PAG1: variants seen among roughly 807,000 people sequenced by gnomAD.
The protein encoded by PAG1 is phosphoprotein membrane anchor with glycosphingolipid microdomains 1, also known as phosphoprotein associated with glycosphingolipid-enriched microdomains 1.
PAG1 carries 23 observed loss-of-function variants against 31.7 expected under a neutral mutation model. The observed-to-expected ratio is 0.73, with a 90% CI of 0.52 to 1.03. PAG1 has a LOEUF of 1.03. Ranked by LOEUF, PAG1 falls within the 50% of genes least tolerant of loss-of-function variation. The pLI is 0.00. For synonymous variants in PAG1, 214 were observed against 210.3 expected (o/e 1.02, Z -0.15); for missense variants, 473 against 540.7 (o/e 0.87, Z 1.24).
intron 2 of PAG1, among the ~76,000 whole-genome samples, chr8:81,056,805 T>A (rs1359996483): frequency 6.6e-6 from 1 of 151,804 alleles, no homozygotes; most frequent in Admixed American, 6.6e-5. Flanking sequence ...GGGAAAAAAA[T>A]TTGCAACCTA....
At chr8:81,035,521 G>C (rs891793386) in intron 2 of PAG1, among the ~76,000 whole-genome samples, 1 of 152,188 alleles carries the variant, frequency 6.6e-6, no homozygotes. Flanking sequence ...CACAGAGAGA[G>C]TATAATTAGT....
At chr8:81,003,743 C>T (rs769546477) in intron 3 of PAG1, among the ~76,000 whole-genome samples, 4 of 152,106 alleles carry the variant, frequency 2.6e-5, no homozygotes, top group Non-Finnish European at 4.4e-5. Context: ...GCCAGTGATT[C>T]CTAAAGTCTA....
chr8:81,069,969 T>C (rs1030997723), intron 2 of PAG1, 143 bp downstream of exon 2: 1 of 152,236 alleles, frequency 6.6e-6, no homozygotes, highest in Non-Finnish European at 1.5e-5. Context: ...TGGATGTTTT[T>C]CAGCTTAGAA....
intron 7 of PAG1, among the ~76,000 whole-genome samples, 161 bp downstream of exon 7, chr8:80,984,615 T>C (rs1409771009): frequency 1.3e-5 from 2 of 152,206 alleles, no homozygotes; most frequent in African/African-American, 2.4e-5. Context: ...TTTTATTACT[T>C]GGAGGGGGAA....
At chr8:80,999,712 T>C (rs1807750146) in intron 3 of PAG1, among the ~76,000 whole-genome samples, 1 of 152,232 alleles carries the variant, frequency 6.6e-6, no homozygotes, top group Non-Finnish European at 1.5e-5. Context: ...GTCACTTGTC[T>C]TCAATAATAC....
chr8:81,073,577 G>C (rs191720316), intron 1 of PAG1, among the ~76,000 whole-genome samples: 1 of 152,272 alleles, frequency 6.6e-6, no homozygotes, highest in East Asian at 1.9e-4. Flanking sequence ...GTTCTTCCTA[G>C]TTGGCTTTTT....
chr8:80,987,457 T>C lies in PAG1; in HGVS notation c.187A>G (p.Lys63Glu), dbSNP rs765541268. The C allele has an allele frequency of 6.2e-7, 1 of 1,613,260 alleles. No homozygotes were observed. The highest frequency in any genetic ancestry group is 2.2e-5 in the East Asian group (1 of 44,884). Residue 63 changes from lysine to glutamate, a missense_variant, in exon 6 of 9, where the codon AAG (lysine) becomes GAG (glutamate). By Grantham distance (56) the Lys-to-Glu change is moderately conservative (BLOSUM62 1). Transcript: ENST00000220597. ...GTAACTGAACGGCTGAACATCTCCT[T>C]GTCTGAAGGCTGAAAACAAAAACAA... ...HENLMNVPSDKEMFSRSVTSL... is the reference protein window; with the variant it reads ...HENLMNVPSDEEMFSRSVTSL...
Position 80,984,858 on chromosome 8 carries a change from A to C in PAG1, c.794T>G (p.Leu265Arg). 6.2e-7 allele frequency: 1 copy of C among 1,614,114 alleles called. No individual in the cohort carries two copies. The highest frequency in any genetic ancestry group is 1.1e-5 in the South Asian group (1 of 91,074). Reference sequence around the variant, plus strand: ...CTCCTGAAGGTTTTCATTCTCGTCCAGAAGCTTAACAGGGACAGGTGGTGG... The same window carrying C: ...CTCCTGAAGGTTTTCATTCTCGTCCCGAAGCTTAACAGGGACAGGTGGTGG... ...EAPPPVPVKL[L>R]DENENLQEKE... The change falls in exon 7 of 9, where the codon CTG becomes CGG. Residue 265 changes from leucine (L) to arginine (R), a missense_variant. Transcript: ENST00000220597.
intron 3 of PAG1, among the ~76,000 whole-genome samples, chr8:81,008,307 A>C (rs1458204404): frequency 1.3e-5 from 2 of 152,140 alleles, no homozygotes; most frequent in African/African-American, 4.8e-5. Flanking sequence ...TTTCAGGAAT[A>C]AACAAACTTT....
Position 81,016,805 on chromosome 8 carries a change from G to A in PAG1, c.-81+13191C>T, listed in dbSNP as rs117100775. 2.5e-3 allele frequency among the ~76,000 whole-genome samples: 376 copies of A among 152,288 alleles called. 8 individuals are homozygous for A. The highest frequency in any genetic ancestry group is 0.023 in the East Asian group (118 of 5,178). ...TTGTGACTTGCTTTGGCCAGGAAAT[G>A]TGGCAGAAGTGATGGTGTGCCCATT... is the stretch of plus-strand genomic sequence containing the variant. On this transcript the variant is annotated intron_variant, in intron 3 of 8. Transcript: ENST00000220597.
At chr8:81,073,658 T>C (rs887204179) in intron 1 of PAG1, among the ~76,000 whole-genome samples, 3 of 152,170 alleles carry the variant, frequency 2.0e-5, no homozygotes, top group Non-Finnish European at 4.4e-5. Context: ...AAGGAGAATG[T>C]CCATATGTCA....
Position 80,976,527 on chromosome 8 carries a change from G to C in PAG1, c.*17C>G, listed in dbSNP as rs1807182465. On this transcript the variant is annotated 3_prime_UTR_variant, in exon 9 of 9. Coordinates refer to ENST00000220597, the MANE Select transcript of PAG1 (RefSeq NM_018440.4). ...CAGACACTGATCACAGGCTACCCAG[G>C]GTTGTCTTCTGGGTTGCTAGAGCCT... 1 of 1,595,360 alleles carries C rather than the reference G, an allele frequency of 6.3e-7. No homozygotes were observed. The highest frequency in any genetic ancestry group is 1.7e-5 in the Admixed American group (1 of 57,672).
chr8:81,107,627 T>C (rs1188213383), intron 1 of PAG1, among the ~76,000 whole-genome samples: 3 of 152,210 alleles, frequency 2.0e-5, no homozygotes, highest in Non-Finnish European at 4.4e-5. Flanking sequence ...GGGCAGTTCT[T>C]AACATGGCAG....
chr8:81,027,633 C>T lies in PAG1; in HGVS notation c.-81+2363G>A, dbSNP rs538416613. Among the ~76,000 whole-genome samples the T allele has an allele frequency of 1.3e-3, 191 of 152,110 alleles. 2 individuals carry two copies. The highest frequency in any genetic ancestry group is 2.4e-3 in the Non-Finnish European group (166 of 68,022). ...AGAATATAGGCCAAGAGGCCGGGCGCGGTGGCTCATGCCTGTAATCCCAGC... is the reference window on the plus strand; with the variant it reads ...AGAATATAGGCCAAGAGGCCGGGCGTGGTGGCTCATGCCTGTAATCCCAGC... On this transcript the variant is annotated intron_variant, in intron 3 of 8. Coordinates refer to ENST00000220597, the MANE Select transcript of PAG1 (RefSeq NM_018440.4).
intron 1 of PAG1, among the ~76,000 whole-genome samples, chr8:81,077,395 T>G (rs1026997590): frequency 2.1e-4 from 32 of 152,338 alleles, no homozygotes; most frequent in Middle Eastern, 6.8e-3. Context: ...TACTCCTCCT[T>G]GCATTTCTCT....
At chr8:81,071,227 T>C (rs1258397200) in intron 1 of PAG1, among the ~76,000 whole-genome samples, 1 of 152,132 alleles carries the variant, frequency 6.6e-6, no homozygotes, top group Non-Finnish European at 1.5e-5. Context: ...CAGCAAGACA[T>C]GAACACCCAG....
intron 1 of PAG1, among the ~76,000 whole-genome samples, chr8:81,095,276 C>T (rs1303802089): frequency 1.3e-5 from 2 of 152,244 alleles, no homozygotes; most frequent in Admixed American, 1.3e-4. Context: ...AGTCAGCATG[C>T]TGCCTGTTCT....
intron 3 of PAG1, among the ~76,000 whole-genome samples, chr8:81,001,817 T>C (rs1807789741): frequency 6.6e-6 from 1 of 152,174 alleles, no homozygotes; most frequent in South Asian, 2.1e-4. Flanking sequence ...CTTCCTCTTC[T>C]AACACACTGC....
chr8:81,055,071 T>C (rs926154421), intron 2 of PAG1, among the ~76,000 whole-genome samples: 6 of 145,912 alleles, frequency 4.1e-5, no homozygotes, highest in African/African-American at 1.7e-4. Flanking sequence ...ATTTCTTTTT[T>C]TTTCTTTTTT....
Sources: gnomAD v4.1 joint callset for allele counts (sites outside exome capture counted in the v4.1 genomes callset) on GRCh38, gnomAD v4.1.1 for gene constraint, MANE v1.5 for transcripts, NCBI Gene and HGNC (gene_info 2026-07-23, HGNC 2026-07-21) for gene names.